The following ADGRF5 variants were observed in gnomAD, a reference collection of about 807,000 sequenced individuals.
The protein encoded by ADGRF5 is adhesion G protein-coupled receptor F5, also known as G-protein coupled receptor 116.
A neutral mutation model predicts 132.3 loss-of-function variants in ADGRF5; 75 were observed. The observed-to-expected ratio is 0.57, with a 90% confidence interval of 0.47 to 0.69. The LOEUF is 0.69. Ranked by LOEUF, ADGRF5 falls within the 30% of genes least tolerant of loss-of-function variation. The probability of loss-of-function intolerance (pLI) is 0.00; values close to 1 mark genes in which losing one functional copy is unlikely to be tolerated. For missense variants in ADGRF5, 1,516 were observed against 1,630.6 expected (o/e 0.93, Z 1.21); for synonymous variants, 629 against 597.6 (o/e 1.05, Z -0.77).
At chr6:46,860,058 C>G (rs1360249938) in intron 16 of ADGRF5, among the ~76,000 whole-genome samples, 2 of 152,092 alleles carry the variant, frequency 1.3e-5, no homozygotes, top group African/African-American at 4.8e-5. Flanking sequence ...CCGCTGCAGT[C>G]CCCTTTCTCC....
At chr6:46,918,619 C>A (rs111817652) in intron 1 of ADGRF5, among the ~76,000 whole-genome samples, 3 of 152,288 alleles carry the variant, frequency 2.0e-5, no homozygotes, top group African/African-American at 7.2e-5. Flanking sequence ...ATTTAATCTG[C>A]CTTTGTAAAA....
chr6:46,935,420 C>T (rs942729018), intron 1 of ADGRF5, among the ~76,000 whole-genome samples: 2 of 152,180 alleles, frequency 1.3e-5, no homozygotes, highest in Non-Finnish European at 2.9e-5. Flanking sequence ...CCTGGTGTCA[C>T]GGATTCCAGA....
chr6:46,870,314 G>C (rs1017791727), intron 11 of ADGRF5, among the ~76,000 whole-genome samples: 1 of 151,996 alleles, frequency 6.6e-6, no homozygotes, highest in Non-Finnish European at 1.5e-5. Context: ...CCCCATGCCT[G>C]GCTAATTTTA....
At chr6:46,949,510 G>C (rs925267279) in intron 1 of ADGRF5, among the ~76,000 whole-genome samples, 2 of 152,196 alleles carry the variant, frequency 1.3e-5, no homozygotes, top group East Asian at 3.9e-4. Flanking sequence ...GAAGGCAGTG[G>C]CCAGTGAACT....
upstream of ADGRF5, among the ~76,000 whole-genome samples, chr6:46,923,103 T>A (rs1399846536): frequency 6.6e-6 from 1 of 152,148 alleles, no homozygotes; most frequent in Admixed American, 6.5e-5. Context: ...ATTTTTGTAT[T>A]TTTAATAGAG....
intron 15 of ADGRF5, among the ~76,000 whole-genome samples, 186 bp downstream of exon 15, chr6:46,862,702 G>GTTTTTTTT (rs1562148328): frequency 5.8e-5 from 2 of 34,386 alleles, no homozygotes; most frequent in African/African-American, 2.2e-4. Context: ...TTGAATTGAG[G>GTTTTTTTT]CTTTTTTTTT....
In ADGRF5 at chr6:46,853,987, T is replaced by A. The variant is rs371219762; in HGVS notation, c.*5A>T. On this transcript the variant is annotated 3_prime_UTR_variant, in exon 21 of 21. Transcript: ENST00000283296. ...GGAGGTCACGTAGGTTGGATTATCC[T>A]GTTCTTAGTTGAGCAACGAAGAAGC... 1.3e-6 allele frequency: 2 copies of A among 1,594,562 alleles called. No individual in the cohort carries two copies. Among genetic ancestry groups the A allele is most frequent in the Non-Finnish European group, 1.7e-6 (2 of 1,168,864 alleles).
intron 3 of ADGRF5, among the ~76,000 whole-genome samples, chr6:46,897,292 T>C (rs1774285943): frequency 6.6e-6 from 1 of 151,842 alleles, no homozygotes; most frequent in South Asian, 2.1e-4. Flanking sequence ...ATGATTCTAT[T>C]CCAAATGCTA....
chr6:46,910,693 T>TCAAC (rs150305794), intron 1 of ADGRF5, among the ~76,000 whole-genome samples: 87 of 152,046 alleles, frequency 5.7e-4, no homozygotes, highest in African/African-American at 1.2e-3. Context: ...TGGTGGGAAA[T>TCAAC]CAACCAACCA....
intron 1 of ADGRF5, among the ~76,000 whole-genome samples, chr6:46,916,950 T>C (rs1342583821): frequency 1.3e-5 from 2 of 152,254 alleles, no homozygotes; most frequent in African/African-American, 4.8e-5. Context: ...TCTCGCGCTA[T>C]TCTTGGTAAC....
chr6:46,865,161 T>G lies in ADGRF5; in HGVS notation c.1871A>C (p.His624Pro). ...EVNKKQVCYK[H>P]NFNASSVSWC... ...GGAAACTGAGCTTGCATTGAAATTG[T>G]GTTTGTAGCACACTTGTTTTTTGTT... The change falls in exon 14 of 21, where the codon CAC becomes CCC. Residue 624 changes from histidine (H) to proline (P), a missense_variant. This residue lies in a region of ADGRF5 where 945 missense variants were observed against 929.4 expected (regional missense o/e 1.02). Transcript: ENST00000283296. 6.2e-7 allele frequency: 1 copy of G among 1,612,950 alleles called. No individual in the cohort carries two copies.
chr6:46,884,405 T>C (rs1414815759), intron 4 of ADGRF5, 134 bp from the exon 5 acceptor site: 2 of 649,960 alleles, frequency 3.1e-6, no homozygotes, highest in African/African-American at 1.8e-5. Context: ...AGAAGTTCAA[T>C]AGCACTGCAT....
chr6:46,935,164 C>T (rs374776543), intron 1 of ADGRF5, among the ~76,000 whole-genome samples: 7 of 151,706 alleles, frequency 4.6e-5, no homozygotes, highest in Admixed American at 1.3e-4. Flanking sequence ...CCACAAGGCC[C>T]GGCTAATTTT....
chr6:46,895,485 G>C (rs746643817), intron 3 of ADGRF5, among the ~76,000 whole-genome samples: 2 of 151,412 alleles, frequency 1.3e-5, no homozygotes, highest in Non-Finnish European at 2.9e-5. Flanking sequence ...CCTAGACCCA[G>C]ATCTAAAAGG....
intron 10 of ADGRF5, among the ~76,000 whole-genome samples, chr6:46,874,597 T>A (rs527637921): frequency 6.6e-6 from 1 of 152,208 alleles, no homozygotes; most frequent in Admixed American, 6.5e-5. Flanking sequence ...AGGATTTTAA[T>A]AGATAGAAAT....
intron 1 of ADGRF5, among the ~76,000 whole-genome samples, chr6:46,937,221 A>AGTGTTTGTGT (rs1777876157): frequency 6.8e-6 from 1 of 146,690 alleles, no homozygotes; most frequent in African/African-American, 2.5e-5. Context: ...GGCAATAAGG[A>AGTGTTTGTGT]GTGTGTGTGT....
Position 46,856,714 on chromosome 6 carries a change from T to G in ADGRF5, c.3876+4A>C. ...TGAAAAGTCTCTGCAGAGAAAAAGT[T>G]TACCTTTGAGTGCTGTGAAGACCAT... On this transcript the variant is annotated splice_donor_region_variant and intron_variant, in intron 19 of 20. Coordinates refer to ENST00000283296, the MANE Select transcript of ADGRF5 (RefSeq NM_001098518.2). 1 of 1,339,182 alleles carries G rather than the reference T, an allele frequency of 7.5e-7. No homozygotes were observed. The highest frequency in any genetic ancestry group is 1.1e-6 in the Non-Finnish European group (1 of 930,096). 83.0% of individuals were successfully genotyped at this position (1,339,182 alleles called of 1,614,324 possible).
In ADGRF5 at chr6:46,858,112, C is replaced by T. The variant is rs377160648; in HGVS notation, c.3774+17G>A. ...AGGAATAAAATCTTCCTGAAAGCTCCGCACTGTAAAACTCACCTGGAAGAC... is the reference window on the plus strand; with the variant it reads ...AGGAATAAAATCTTCCTGAAAGCTCTGCACTGTAAAACTCACCTGGAAGAC... On this transcript the variant is annotated intron_variant, in intron 17 of 20. Coordinates refer to ENST00000283296, the MANE Select transcript of ADGRF5 (RefSeq NM_001098518.2). 115 of 1,579,738 alleles carry T rather than the reference C, an allele frequency of 7.3e-5. 1 individual carries two copies. The highest frequency in any genetic ancestry group is 3.6e-4 in the African/African-American group (27 of 74,232).
intron 19 of ADGRF5, 29 bp from the exon 20 acceptor site, chr6:46,856,087 C>T: frequency 4.5e-6 from 6 of 1,322,122 alleles, no homozygotes; most frequent in Non-Finnish European, 6.5e-6. Flanking sequence ...GGGACAATCA[C>T]AAAGCAAATT....
Sources: allele counts gnomAD v4.1 joint callset (sites outside exome capture counted in the v4.1 genomes callset), GRCh38; gene constraint gnomAD v4.1.1; regional missense constraint gnomAD v4.1.1; transcripts MANE v1.5; gene names NCBI Gene and HGNC (gene_info 2026-07-23, HGNC 2026-07-21).